The following CCDC40 variants were observed in gnomAD, a reference collection of about 807,000 sequenced individuals.
CCDC40 encodes the protein coiled-coil domain-containing protein 40.
Under a neutral mutation model 124.5 loss-of-function variants are expected in CCDC40, and 104 were observed. That is an observed-to-expected ratio of 0.84 (90% CI 0.71 to 0.98). The LOEUF (loss-of-function observed/expected upper bound fraction) is 0.98. Ranked by LOEUF, CCDC40 falls within the 50% of genes least tolerant of loss-of-function variation. The pLI is 0.00. For missense variants in CCDC40, 1,463 were observed against 1,503.9 expected (o/e 0.97, Z 0.45); for synonymous variants, 580 against 602.9 (o/e 0.96, Z 0.56).
chr17:80,043,401 A>G (rs1049627903), intron 3 of CCDC40, among the ~76,000 whole-genome samples: 2 of 152,112 alleles, frequency 1.3e-5, no homozygotes, highest in Non-Finnish European at 2.9e-5. Context: ...GGCAGGAGAT[A>G]GGGCCTGTGT....
rs1555890577 is a variant in CCDC40, at chr17:80,044,716, A to AAATAT, written c.553-2562_553-2561insATATA. ...AACAAAACAAACAAACAAAAAAAAA[A>AAATAT]ATATATATATATATATATATATCTC... On this transcript the variant is annotated intron_variant, in intron 3 of 19. Coordinates refer to ENST00000397545, the MANE Select transcript of CCDC40 (RefSeq NM_017950.4). Among the ~76,000 whole-genome samples, 5 of 131,806 alleles carry AAATAT rather than the reference A, an allele frequency of 3.8e-5. No individual in the cohort carries two copies. In the East Asian group the frequency reaches 1.1e-3, roughly 28 times the overall value. The allele number at this position is 131,806 out of a possible 152,430, so 86.5% of individuals were successfully genotyped here. A position where few individuals can be genotyped will look rare whatever the true frequency, so the allele number is the denominator to read the frequency against.
chr17:80,067,590 C>G, intron 10 of CCDC40: 1 of 1,536,204 alleles, frequency 6.5e-7, no homozygotes, highest in Admixed American at 2.0e-5. Flanking sequence ...TGGGATACTT[C>G]TACGGGGAAG....
In CCDC40 at chr17:80,086,172, A is replaced by G; in HGVS notation, c.2405A>G (p.Lys802Arg). The G allele has an allele frequency of 6.2e-7, 1 of 1,613,650 alleles. No homozygotes were observed. Among genetic ancestry groups the G allele is most frequent in the Non-Finnish European group, 8.5e-7 (1 of 1,179,836 alleles). ...CAGCTGGCCTCCCTGGACGCATCCA[A>G]GAAGGAGCTCCACATCATGGAGCAG... ...EEQLASLDAS[K>R]KELHIMEQKK... The change falls in exon 14 of 20, where the codon AAG becomes AGG. Residue 802 changes from lysine (K) to arginine (R), a missense_variant. By Grantham distance (26) the Lys-to-Arg change is conservative. Coordinates refer to ENST00000397545, the MANE Select transcript of CCDC40 (RefSeq NM_017950.4). The surrounding 1 kb of genome is among the most constrained non-coding windows in gnomAD (Gnocchi z 5.5).
In CCDC40 at chr17:80,086,744, G is replaced by A. The variant is rs375893931; in HGVS notation, c.2449+528G>A. The A allele has an allele frequency of 3.2e-4, 59 of 183,038 alleles. No individual in the cohort carries two copies. The South Asian group carries it at 6.3e-3, about 20-fold the overall frequency. The allele number at this position is 183,038 out of a possible 1,614,324, so 11.3% of individuals were successfully genotyped here. On this transcript the variant is annotated intron_variant, in intron 14 of 19. Transcript: ENST00000397545. This position sits in a 1 kb window ranked among gnomAD's most constrained non-coding sequence, Gnocchi z 5.5. ...ACATGTCCACCTGCCGAGACATCCC[G>A]GGTCCTGCCCGGTCTTGGGTCGGGG...
Position 80,099,949 on chromosome 17 carries a change from A to G in CCDC40, c.*174A>G. 1.4e-6 allele frequency: 1 copy of G among 699,858 alleles called. No individual in the cohort carries two copies. Among genetic ancestry groups the G allele is most frequent in the East Asian group, 2.7e-5 (1 of 36,722 alleles). 43.4% of individuals were successfully genotyped at this position (699,858 alleles called of 1,614,324 possible). A position where few individuals can be genotyped will look rare whatever the true frequency, so the allele number is the denominator to read the frequency against. ...TAGGAATCTTTTTAGCCACTCAGCAATTTAATAAACCAGGTAAAATCCTAG... is the reference window on the plus strand; with the variant it reads ...TAGGAATCTTTTTAGCCACTCAGCAGTTTAATAAACCAGGTAAAATCCTAG... On this transcript the variant is annotated 3_prime_UTR_variant, in exon 20 of 20. Transcript: ENST00000397545.
chr17:80,070,676 G>A (rs1190476417), intron 10 of CCDC40, among the ~76,000 whole-genome samples: 1 of 152,178 alleles, frequency 6.6e-6, no homozygotes, highest in Non-Finnish European at 1.5e-5. Flanking sequence ...GGGAGGCTGG[G>A]TGGGAGGATT....
chr17:80,081,408 A>AAATAAATAAATAAATAAATG (rs1212784672), intron 10 of CCDC40, 138 bp from the exon 11 acceptor site: 20 of 650,326 alleles, frequency 3.1e-5, no homozygotes, highest in Non-Finnish European at 4.5e-5. Context: ...ATAAATAAAT[A>AAATAAATAAATAAATAAATG]AATAAGAGTT....
At chr17:80,093,435 G>C (rs908666245) in intron 17 of CCDC40, among the ~76,000 whole-genome samples, 3 of 151,986 alleles carry the variant, frequency 2.0e-5, no homozygotes, top group African/African-American at 7.2e-5. Context: ...CACCTGCCTC[G>C]GCCTCCCAAA....
At chr17:80,059,891 C>T (rs2037854080) in intron 9 of CCDC40, among the ~76,000 whole-genome samples, 2 of 152,106 alleles carry the variant, frequency 1.3e-5, no homozygotes, top group South Asian at 2.1e-4. Flanking sequence ...CTTGAAGGAA[C>T]GGATGAGCAC....
rs902799778 is a variant in CCDC40 at position 80,050,313 on chromosome 17, T to C, written c.1159+30T>C. Reference sequence around the variant, plus strand: ...GGCAACCCGGCAGCCCCACACGCCATCCGGTCCTGGAGGGTTTCCCAGGGG... The same window carrying C: ...GGCAACCCGGCAGCCCCACACGCCACCCGGTCCTGGAGGGTTTCCCAGGGG... On this transcript the variant is annotated intron_variant, in intron 7 of 19. Transcript: ENST00000397545. 2.6e-6 allele frequency: 4 copies of C among 1,530,538 alleles called. No homozygotes were observed. The Admixed American group carries it at 5.9e-5, about 22-fold the overall frequency. The allele number at this position is 1,530,538 out of a possible 1,614,324, so 94.8% of individuals were successfully genotyped here.
chr17:80,067,392 G>A (rs1324460273), intron 10 of CCDC40: 20 of 607,914 alleles, frequency 3.3e-5, no homozygotes, highest in Middle Eastern at 4.2e-4. Flanking sequence ...CCTAACTTGT[G>A]TGCAATTGCA....
At position 80,086,981 on chromosome 17, in the gene CCDC40, G is replaced by A. The variant is rs1598541980; in HGVS notation, c.2450-626G>A. 6.0e-6 allele frequency: 1 copy of A among 168,060 alleles called. No individual in the cohort carries two copies. 10.4% of individuals were successfully genotyped at this position (168,060 alleles called of 1,614,324 possible). The stretch of plus-strand genomic sequence containing the variant: ...GCAAGAGCTGCCGAAATACCATGCT[G>A]TGAGATGGGGAGGATCACCCATGGA... On this transcript the variant is annotated intron_variant, in intron 14 of 19. Transcript: ENST00000397545. This position sits in a 1 kb window ranked among gnomAD's most constrained non-coding sequence, Gnocchi z 5.5.
intron 10 of CCDC40, among the ~76,000 whole-genome samples, chr17:80,072,936 C>T (rs980570566): frequency 1.3e-4 from 19 of 151,554 alleles, no homozygotes; most frequent in African/African-American, 3.9e-4. Flanking sequence ...TAAATACAGG[C>T]GCATCTCGTT....
intron 12 of CCDC40, 145 bp downstream of exon 12, chr17:80,082,203 G>A (rs2038468215): frequency 8.7e-6 from 5 of 572,238 alleles, no homozygotes; most frequent in Admixed American, 7.0e-5. Context: ...TGTTCAGGTT[G>A]TAAGGGTGAT....
chr17:80,069,444 C>T (rs137943615), intron 10 of CCDC40, among the ~76,000 whole-genome samples: 2 of 152,134 alleles, frequency 1.3e-5, no homozygotes, highest in Non-Finnish European at 2.9e-5. Context: ...CTGTTTAAGT[C>T]GACCTGAGGA....
At chr17:80,043,774 C>T (rs2037345551) in intron 3 of CCDC40, among the ~76,000 whole-genome samples, 1 of 151,718 alleles carries the variant, frequency 6.6e-6, no homozygotes, top group Non-Finnish European at 1.5e-5. Context: ...CCTCCTCAAC[C>T]TCCCAAAGTG....
chr17:80,059,695 G>T (rs1224908948), intron 9 of CCDC40, among the ~76,000 whole-genome samples: 1 of 151,958 alleles, frequency 6.6e-6, no homozygotes, highest in Non-Finnish European at 1.5e-5. Flanking sequence ...GAGTGGCTGG[G>T]ACTACAGGCG....
At chr17:80,048,106 A>G (rs1568674967) in intron 4 of CCDC40, among the ~76,000 whole-genome samples, 1 of 152,142 alleles carries the variant, frequency 6.6e-6, no homozygotes, top group Admixed American at 6.5e-5. Flanking sequence ...CTAAAAATAC[A>G]AAAATTACCG....
At chr17:80,041,550 A>G (rs2037283767) in intron 3 of CCDC40, among the ~76,000 whole-genome samples, 1 of 151,984 alleles carries the variant, frequency 6.6e-6, no homozygotes, top group South Asian at 2.1e-4. Flanking sequence ...CTCCATTTCC[A>G]AGGAATGCTC....
Sources: gnomAD v4.1 joint callset for allele counts (sites outside exome capture counted in the v4.1 genomes callset) on GRCh38, gnomAD v4.1.1 for gene constraint, Gnocchi (gnomAD v3.1) non-coding constraint, MANE v1.5 for transcripts, NCBI Gene and HGNC (gene_info 2026-07-23, HGNC 2026-07-21) for gene names.